Variants in FSHR observed in about 807,000 individuals in gnomAD.
FSHR encodes the protein follicle-stimulating hormone receptor.
In FSHR, 46 loss-of-function variants were observed where a neutral mutation model predicts 52.1. That is an observed-to-expected ratio of 0.88 (90% confidence interval 0.70 to 1.13). FSHR has a LOEUF of 1.13. Ranked by LOEUF, FSHR falls within the 50% of genes most tolerant of loss-of-function variation. FSHR has a pLI of 0.00. For synonymous variants in FSHR, 399 were observed against 309.6 expected (o/e 1.29, Z -3.03); for missense variants, 964 against 834.6 (o/e 1.16, Z -1.91).
intron 6 of FSHR, among the ~76,000 whole-genome samples, chr2:48,983,733 G>A (rs1675363381): frequency 6.6e-6 from 1 of 152,188 alleles, no homozygotes; most frequent in Non-Finnish European, 1.5e-5. Flanking sequence ...GTTTGTGGAG[G>A]TGGCTCTGGG....
chr2:49,134,090 C>T (rs891011605), intron 1 of FSHR, among the ~76,000 whole-genome samples: 2 of 152,148 alleles, frequency 1.3e-5, no homozygotes, highest in Non-Finnish European at 2.9e-5. Flanking sequence ...GACTAAAGAG[C>T]TTCTGCATAG....
rs1671036279 is a variant in FSHR, at chr2:49,101,766, A to C, written c.153-33476T>G. Among the ~76,000 whole-genome samples, 3 of 152,216 alleles carry C rather than the reference A, an allele frequency of 2.0e-5. No homozygotes were observed. The South Asian group carries it at 6.2e-4, about 32-fold the overall frequency. On this transcript the variant is annotated intron_variant, in intron 1 of 9. Coordinates refer to ENST00000406846, the MANE Select transcript of FSHR (RefSeq NM_000145.4). ...TGAAGGAATCAGAAATCTATAAAGA[A>C]AAGAAATTTACTTCTTACATTTATG...
At position 49,012,295 on chromosome 2, in the gene FSHR, C is replaced by G. The variant is rs1104988; in HGVS notation, c.374+5194G>C. On this transcript the variant is annotated intron_variant, in intron 4 of 9. Transcript: ENST00000406846. ...ACACAAAAGGTCAGCTCCAGGAAGGCAGAGCAGTAAAGAAAGAAATATTGC... is the reference window on the plus strand; with the variant it reads ...ACACAAAAGGTCAGCTCCAGGAAGGGAGAGCAGTAAAGAAAGAAATATTGC... 1.3e-4 allele frequency among the ~76,000 whole-genome samples: 20 copies of G among 152,166 alleles called. No homozygotes were observed. The East Asian group carries it at 3.9e-3, about 29-fold the overall frequency.
intron 1 of FSHR, among the ~76,000 whole-genome samples, chr2:49,139,891 C>T (rs1349166217): frequency 6.6e-6 from 1 of 152,128 alleles, no homozygotes; most frequent in Non-Finnish European, 1.5e-5. Flanking sequence ...AGCCACCGCA[C>T]CCAGCCCCAA....
chr2:49,114,462 AG>A, intron 1 of FSHR, among the ~76,000 whole-genome samples: 1 of 152,328 alleles, frequency 6.6e-6, no homozygotes, highest in East Asian at 1.9e-4. Flanking sequence ...AGAGAAAAAA[AG>A]AATGAATGAG....
At chr2:49,074,726 T>A (rs916120380) in intron 1 of FSHR, among the ~76,000 whole-genome samples, 4 of 152,160 alleles carry the variant, frequency 2.6e-5, no homozygotes, top group African/African-American at 7.2e-5. Flanking sequence ...TACACTTCCA[T>A]GTTTTTATTG....
At chr2:49,048,977 TGGGCTA>T (rs1166401389) in intron 2 of FSHR, among the ~76,000 whole-genome samples, 1 of 152,104 alleles carries the variant, frequency 6.6e-6, no homozygotes, top group Non-Finnish European at 1.5e-5. Context: ...GTGATGGGCA[TGGGCTA>T]AATGAGGAAA....
intron 4 of FSHR, among the ~76,000 whole-genome samples, chr2:48,993,040 C>G (rs1236452000): frequency 6.6e-6 from 1 of 151,996 alleles, no homozygotes; most frequent in Non-Finnish European, 1.5e-5. Flanking sequence ...TGCATTCTTT[C>G]GTTTCTGCTC....
intron 4 of FSHR, among the ~76,000 whole-genome samples, chr2:49,009,924 T>G (rs1667208741): frequency 7.1e-6 from 1 of 141,232 alleles, no homozygotes; most frequent in Non-Finnish European, 1.6e-5. Flanking sequence ...AAGGAGATTT[T>G]GGCCTGAGAC....
At chr2:49,047,447 A>T (rs780299432) in intron 2 of FSHR, among the ~76,000 whole-genome samples, 27 of 152,362 alleles carry the variant, frequency 1.8e-4, no homozygotes, top group Non-Finnish European at 2.8e-4. Flanking sequence ...CACTAATGTC[A>T]GTGTGCTTAC....
At chr2:49,120,346 G>T (rs1021407384) in intron 1 of FSHR, among the ~76,000 whole-genome samples, 1 of 152,182 alleles carries the variant, frequency 6.6e-6, no homozygotes, top group Non-Finnish European at 1.5e-5. Flanking sequence ...CCTAAGTCAG[G>T]ATGGTAGTGA....
At chr2:49,081,157 T>C (rs1307974940) in intron 1 of FSHR, among the ~76,000 whole-genome samples, 1 of 152,156 alleles carries the variant, frequency 6.6e-6, no homozygotes, top group Non-Finnish European at 1.5e-5. Flanking sequence ...ACAAATTATC[T>C]TTTCAATGGT....
chr2:49,127,633 T>C (rs1191141448), intron 1 of FSHR, among the ~76,000 whole-genome samples: 2 of 151,988 alleles, frequency 1.3e-5, no homozygotes, highest in African/African-American at 4.8e-5. Context: ...AAGCTTTCCT[T>C]CTCTGATACA....
At chr2:49,017,586 C>T (rs762103961) in intron 3 of FSHR, 23 bp from the exon 4 acceptor site, 2 of 1,557,652 alleles carry the variant, frequency 1.3e-6, no homozygotes, top group African/African-American at 1.4e-5. Context: ...AAAAAACATG[C>T]TAGTGATCTT....
At chr2:49,047,005 C>CTTGAG (rs70946846) in intron 2 of FSHR, among the ~76,000 whole-genome samples, 1 of 151,906 alleles carries the variant, frequency 6.6e-6, no homozygotes, top group Non-Finnish European at 1.5e-5. Flanking sequence ...CATCAGCCTG[C>CTTGAG]ACTTGTCTCA....
At chr2:49,052,157 T>A (rs1668883669) in intron 2 of FSHR, among the ~76,000 whole-genome samples, 1 of 152,162 alleles carries the variant, frequency 6.6e-6, no homozygotes. Flanking sequence ...TATGGACAAT[T>A]TTTAACAAAT....
intron 4 of FSHR, among the ~76,000 whole-genome samples, chr2:49,012,824 T>C (rs1667320758): frequency 6.6e-6 from 1 of 152,130 alleles, no homozygotes; most frequent in Admixed American, 6.6e-5. Context: ...TGCTGGAGCA[T>C]GAAGCTGTTA....
At chr2:49,135,473 A>G (rs1672457903) in intron 1 of FSHR, among the ~76,000 whole-genome samples, 3 of 152,214 alleles carry the variant, frequency 2.0e-5, no homozygotes, top group South Asian at 2.1e-4. Context: ...TCATGCTTAT[A>G]GAAAAGTTTA....
chr2:49,148,276 G>A lies in FSHR; in HGVS notation c.152+5990C>T, dbSNP rs555671907. ...TTCTAGTCAACGTCTCTTTCTTTCT[G>A]TATAAATTAATGGATTCTGGAATGA... On this transcript the variant is annotated intron_variant, in intron 1 of 9. Transcript: ENST00000406846. Among the ~76,000 whole-genome samples the A allele has an allele frequency of 1.1e-4, 16 of 151,922 alleles. No homozygotes were observed. The East Asian group carries it at 1.6e-3, about 15-fold the overall frequency.
Sources: gnomAD v4.1 joint callset for allele counts (sites outside exome capture counted in the v4.1 genomes callset) on GRCh38, gnomAD v4.1.1 for gene constraint, MANE v1.5 for transcripts, NCBI Gene and HGNC (gene_info 2026-07-23, HGNC 2026-07-21) for gene names.